Variants in KCNH7 observed in about 807,000 individuals in gnomAD.
KCNH7 encodes potassium voltage-gated channel subfamily H member 7, also known as voltage-gated inwardly rectifying potassium channel KCNH7.
A neutral mutation model predicts 120.8 loss-of-function variants in KCNH7; 49 were observed. That is an observed-to-expected ratio of 0.41 (90% CI 0.32 to 0.51). The LOEUF (loss-of-function observed/expected upper bound fraction) is 0.51, where lower values mean the gene tolerates loss of function less well. Among genes scored for constraint, KCNH7 ranks in the 20% least tolerant of loss-of-function variants. KCNH7 has a pLI of 0.38. For missense variants in KCNH7, 1,097 were observed against 1,446.6 expected, an observed-to-expected ratio of 0.76 and a Z score of 3.92; for synonymous variants, 547 against 516.1, an observed-to-expected ratio of 1.06 and a Z score of -0.81.
chr2:162,618,435 T>A (rs1161934609), intron 2 of KCNH7, among the ~76,000 whole-genome samples: 1 of 152,022 alleles, frequency 6.6e-6, no homozygotes, highest in African/African-American at 2.4e-5. Context: ...TAAAGACCAT[T>A]TAAGAGGACA....
intron 2 of KCNH7, among the ~76,000 whole-genome samples, chr2:162,643,330 A>C (rs372608831): frequency 5.9e-5 from 9 of 152,118 alleles, no homozygotes; most frequent in Non-Finnish European, 8.8e-5. Context: ...ACAAACAAAC[A>C]AAAAAGCAAA....
chr2:162,741,286 T>TTAATTAC lies in KCNH7; in HGVS notation c.307+95250_307+95251insGTAATTA, dbSNP rs1688124025. Among the ~76,000 whole-genome samples, 6 of 144,376 alleles carry TTAATTAC rather than the reference T, an allele frequency of 4.2e-5. 1 individual carries two copies. Among genetic ancestry groups the TTAATTAC allele is most frequent in the East Asian group, 2.3e-4 (1 of 4,328 alleles). 94.7% of individuals were successfully genotyped at this position (144,376 alleles called of 152,430 possible). A position where few individuals can be genotyped will look rare whatever the true frequency, so the allele number is the denominator to read the frequency against. On this transcript the variant is annotated intron_variant, in intron 2 of 15. Transcript: ENST00000332142. ...TATTAATAACATATGTTATTAGTTA[T>TTAATTAC]ACATATTAATAACATATGTTATTAA...
At chr2:162,495,140 A>G (rs1352707150) in intron 6 of KCNH7, among the ~76,000 whole-genome samples, 5 of 152,176 alleles carry the variant, frequency 3.3e-5, no homozygotes, top group Non-Finnish European at 4.4e-5. Flanking sequence ...AGAATCCATT[A>G]TCTTTTTATA....
chr2:162,459,092 A>T lies in KCNH7; in HGVS notation c.1129-12649T>A, dbSNP rs1689068596. Reference sequence around the variant, plus strand: ...AGCTCTCATGTTGTTGGAGCTAGAGATTTTAAACTTGCAGAAGCAACGGCT... The same window carrying T: ...AGCTCTCATGTTGTTGGAGCTAGAGTTTTTAAACTTGCAGAAGCAACGGCT... On this transcript the variant is annotated intron_variant, in intron 6 of 15. Coordinates refer to ENST00000332142, the MANE Select transcript of KCNH7 (RefSeq NM_033272.4). Among the ~76,000 whole-genome samples the T allele has an allele frequency of 2.0e-5, 3 of 150,502 alleles. No homozygotes were observed. In the South Asian group the frequency reaches 6.3e-4, roughly 31 times the overall value.
At chr2:162,561,767 T>C (rs1693076694) in intron 2 of KCNH7, among the ~76,000 whole-genome samples, 1 of 152,156 alleles carries the variant, frequency 6.6e-6, no homozygotes, top group South Asian at 2.1e-4. Flanking sequence ...CACACGTATG[T>C]TTACTGCAGC....
intron 6 of KCNH7, among the ~76,000 whole-genome samples, chr2:162,454,403 AT>A (rs1688887621): frequency 6.6e-6 from 1 of 151,802 alleles, no homozygotes; most frequent in Non-Finnish European, 1.5e-5. Context: ...CAGCTTTGTT[AT>A]TTTTGCTTAG....
intron 6 of KCNH7, among the ~76,000 whole-genome samples, chr2:162,496,675 T>A (rs1690509714): frequency 6.6e-6 from 1 of 152,194 alleles, no homozygotes; most frequent in Non-Finnish European, 1.5e-5. Flanking sequence ...AAATCCTGCA[T>A]CAGTATTGTG....
intron 2 of KCNH7, among the ~76,000 whole-genome samples, chr2:162,690,538 T>C (rs1041726828): frequency 1.3e-5 from 2 of 152,146 alleles, no homozygotes; most frequent in East Asian, 1.9e-4. Flanking sequence ...AGAGGAAATA[T>C]ATAAACATCT....
intron 2 of KCNH7, among the ~76,000 whole-genome samples, chr2:162,552,003 A>G (rs1402829408): frequency 6.6e-6 from 1 of 152,224 alleles, no homozygotes; most frequent in Admixed American, 6.5e-5. Flanking sequence ...GCATTTAAAT[A>G]CAAACCAAGC....
At chr2:162,444,374 C>T (rs1688517106) in intron 7 of KCNH7, among the ~76,000 whole-genome samples, 1 of 152,018 alleles carries the variant, frequency 6.6e-6, no homozygotes, top group Non-Finnish European at 1.5e-5. Context: ...GAAAATAGAA[C>T]TGAGAGCATC....
At position 162,484,248 on chromosome 2, in the gene KCNH7, C is replaced by CACACAG. The variant is rs1333669546; in HGVS notation, c.1128+20194_1128+20195insCTGTGT. 1.1e-3 allele frequency among the ~76,000 whole-genome samples: 162 copies of CACACAG among 148,916 alleles called. 1 individual carries two copies. The East Asian group carries it at 0.015, about 13-fold the overall frequency. ...ACACACACACACACACACACACACA[C>CACACAG]AGAGAGACACACACACACAGTCTTA... On this transcript the variant is annotated intron_variant, in intron 6 of 15. Transcript: ENST00000332142.
chr2:162,614,772 A>G (rs1257754546), intron 2 of KCNH7, among the ~76,000 whole-genome samples: 1 of 150,126 alleles, frequency 6.7e-6, no homozygotes, highest in African/African-American at 2.4e-5. Context: ...AAAGCACAAA[A>G]TTTAGGATAG....
Position 162,836,759 on chromosome 2 carries a change from A to AT in KCNH7, c.84dup (p.Phe29IlefsTer22), listed in dbSNP as rs765235057. 8 of 1,611,772 alleles carry AT rather than the reference A, an allele frequency of 5.0e-6. No homozygotes were observed. In the Admixed American group the frequency reaches 1.3e-4, roughly 27 times the overall value. ...TGCACTCTGGCATTTGCAATGATAA[A>AT]TTTTTTATCTGTAATAAGAAGACAG... is the stretch of plus-strand genomic sequence containing the variant. On this transcript the variant is annotated frameshift_variant, in exon 2 of 16. Coordinates refer to ENST00000332142, the MANE Select transcript of KCNH7 (RefSeq NM_033272.4). LOFTEE classifies it high-confidence loss of function.
intron 2 of KCNH7, among the ~76,000 whole-genome samples, chr2:162,649,145 A>T (rs1356726729): frequency 6.6e-6 from 1 of 152,180 alleles, no homozygotes; most frequent in Non-Finnish European, 1.5e-5. Flanking sequence ...AAATAAATTC[A>T]CCTAAGTATT....
At position 162,581,562 on chromosome 2, in the gene KCNH7, C is replaced by T. The variant is rs147688927; in HGVS notation, c.308-44482G>A. On this transcript the variant is annotated intron_variant, in intron 2 of 15. Coordinates refer to ENST00000332142, the MANE Select transcript of KCNH7 (RefSeq NM_033272.4). ...TATATCACCTGCTTGTCCTTTCTAA[C>T]CATGGAAAATTACCTTGTTTAACTG... is the stretch of plus-strand genomic sequence containing the variant. Among the ~76,000 whole-genome samples the T allele has an allele frequency of 5.2e-3, 784 of 151,482 alleles. 10 individuals carry two copies. Among genetic ancestry groups the T allele is most frequent in the African/African-American group, 0.018 (748 of 41,214 alleles).
intron 14 of KCNH7, among the ~76,000 whole-genome samples, chr2:162,375,625 C>T (rs1474742980): frequency 6.6e-6 from 1 of 152,030 alleles, no homozygotes. Flanking sequence ...GGTCTGTTAG[C>T]TTAATAAGAA....
chr2:162,575,400 T>C (rs1693636180), intron 2 of KCNH7, among the ~76,000 whole-genome samples: 1 of 152,098 alleles, frequency 6.6e-6, no homozygotes, highest in Non-Finnish European at 1.5e-5. Flanking sequence ...AGTCTGCCTC[T>C]TTCTAAAGTC....
At chr2:162,545,099 C>T (rs976302677) in intron 2 of KCNH7, among the ~76,000 whole-genome samples, 2 of 152,092 alleles carry the variant, frequency 1.3e-5, no homozygotes, top group Non-Finnish European at 2.9e-5. Context: ...GAGACCTGTC[C>T]TGCATTCATC....
intron 2 of KCNH7, among the ~76,000 whole-genome samples, chr2:162,671,478 A>G (rs956033108): frequency 6.6e-6 from 1 of 151,924 alleles, no homozygotes; most frequent in East Asian, 1.9e-4. Context: ...CAAAAGCTGC[A>G]TGTTCTTATT....
Sources: allele counts gnomAD v4.1 joint callset (sites outside exome capture counted in the v4.1 genomes callset), GRCh38; gene constraint gnomAD v4.1.1; transcripts MANE v1.5; gene names NCBI Gene and HGNC (gene_info 2026-07-23, HGNC 2026-07-21).